CD4: variants seen among roughly 807,000 people sequenced by gnomAD.
The protein encoded by CD4 is CD4 molecule, also known as T-cell surface glycoprotein CD4.
CD4 carries 25 observed loss-of-function variants against 50.5 expected under a neutral mutation model. The ratio of observed to expected loss-of-function variants is 0.49; its 90% CI spans 0.36 to 0.69. The LOEUF is 0.69. Ranked by LOEUF, CD4 falls within the 30% of genes least tolerant of loss-of-function variation. CD4 has a pLI of 0.00. For synonymous variants in CD4, 207 were observed against 221.9 expected, an observed-to-expected ratio of 0.93 and a Z score of 0.60; for missense variants, 456 against 548.5, an observed-to-expected ratio of 0.83 and a Z score of 1.68.
intron 3 of CD4, among the ~76,000 whole-genome samples, chr12:6,806,301 TTTTA>T (rs542997326): frequency 6.4e-4 from 98 of 151,984 alleles, no homozygotes; most frequent in African/African-American, 2.0e-3. Context: ...TAAAATTTAT[TTTTA>T]TTTATTTATT....
Position 6,818,968 on chromosome 12 carries a change from T to TGG in CD4, c.1346+54_1346+55insGG. The TGG allele has an allele frequency of 2.0e-6, 1 of 497,298 alleles. No homozygotes were observed. Among genetic ancestry groups the TGG allele is most frequent in the Non-Finnish European group, 3.4e-6 (1 of 296,600 alleles). 30.8% of individuals were successfully genotyped at this position (497,298 alleles called of 1,614,324 possible). A position where few individuals can be genotyped will look rare whatever the true frequency, so the allele number is the denominator to read the frequency against. On this transcript the variant is annotated intron_variant, in intron 9 of 9. Coordinates refer to ENST00000011653, the MANE Select transcript of CD4 (RefSeq NM_000616.5). This position sits in a 1 kb window ranked among gnomAD's most constrained non-coding sequence, Gnocchi z 5.0. Reference sequence around the variant, plus strand: ...AGGGGAAAGGGGGAGGGGGAGGGAGTTAGAGAGGAGGGGGAGGAAGGGGAG... The same window carrying TGG: ...AGGGGAAAGGGGGAGGGGGAGGGAGTGGTAGAGAGGAGGGGGAGGAAGGGGAG...
chr12:6,801,240 G>A (rs1353569543), intron 3 of CD4, among the ~76,000 whole-genome samples: 27 of 151,372 alleles, frequency 1.8e-4, no homozygotes, highest in Admixed American at 8.5e-4. Context: ...AAAAAAGGCC[G>A]GCTGTAGTGG....
intron 1 of CD4, among the ~76,000 whole-genome samples, chr12:6,791,268 A>G (rs147949101): frequency 3.5e-4 from 54 of 152,310 alleles, no homozygotes; most frequent in African/African-American, 1.0e-3. Flanking sequence ...TTTGAGACGG[A>G]GTCTCGCTCT....
chr12:6,801,615 C>T (rs182775334), intron 3 of CD4, among the ~76,000 whole-genome samples: 2,093 of 151,254 alleles, frequency 0.014, 41 homozygotes, highest in African/African-American at 0.046. Context: ...GGCTGGAGTG[C>T]GGTGGCGTGA....
At chr12:6,794,666 C>G (rs1942309142) in intron 1 of CD4, among the ~76,000 whole-genome samples, 1 of 151,994 alleles carries the variant, frequency 6.6e-6, no homozygotes, top group Admixed American at 6.6e-5. Context: ...GCCACTGCAT[C>G]CGGCCTTATA....
At chr12:6,817,090 A>G (rs1293682826) in intron 6 of CD4, 40 bp from the exon 7 acceptor site, 1 of 1,547,208 alleles carries the variant, frequency 6.5e-7, no homozygotes, top group East Asian at 2.3e-5. Context: ...TGTTCTACTG[A>G]ATCTCAGGCC....
At chr12:6,796,663 C>T (rs979710832) in intron 1 of CD4, among the ~76,000 whole-genome samples, 1 of 152,176 alleles carries the variant, frequency 6.6e-6, no homozygotes, top group Non-Finnish European at 1.5e-5. Context: ...AGCAGTGGGT[C>T]CCCTCACCTC....
At chr12:6,809,602 C>T (rs1228114826) in intron 3 of CD4, among the ~76,000 whole-genome samples, 1 of 152,170 alleles carries the variant, frequency 6.6e-6, no homozygotes, top group Non-Finnish European at 1.5e-5. Context: ...AGTGAGCTTC[C>T]AGGTAATTTG....
chr12:6,807,133 C>G (rs1036128137), intron 3 of CD4, among the ~76,000 whole-genome samples: 2 of 151,998 alleles, frequency 1.3e-5, no homozygotes, highest in African/African-American at 4.8e-5. Flanking sequence ...CGCCATTGCA[C>G]TCCAACCTGG....
rs782402059 is a variant in CD4 at position 6,814,122 on chromosome 12, C to CA, written c.215-19dup. 17 of 1,611,468 alleles carry CA rather than the reference C, an allele frequency of 1.1e-5. No individual in the cohort carries two copies. The highest frequency in any genetic ancestry group is 3.3e-5 in the Admixed American group (2 of 59,760). ...TCTCCAGGGCGCCTCAGTCCCCCCC[C>CA]ATATGTCTTCTGCTCCCAGGTCCAT... On this transcript the variant is annotated intron_variant, in intron 3 of 9. Coordinates refer to ENST00000011653, the MANE Select transcript of CD4 (RefSeq NM_000616.5).
rs1223411391 is a variant in CD4, at chr12:6,818,651, G to GT, written c.1278+110dup. ...TTGGCCCAGCTCCCTCTGCCCACTC[G>GT]TAAGTTCCCTTGCTGCCCTGTCCCA... On this transcript the variant is annotated intron_variant, in intron 8 of 9. Coordinates refer to ENST00000011653, the MANE Select transcript of CD4 (RefSeq NM_000616.5). The surrounding 1 kb of genome is among the most constrained non-coding windows in gnomAD (Gnocchi z 5.0). 7 of 1,401,838 alleles carry GT rather than the reference G, an allele frequency of 5.0e-6. No homozygotes were observed. The Admixed American group carries it at 1.2e-4, about 25-fold the overall frequency. The allele number at this position is 1,401,838 out of a possible 1,614,324, so 86.8% of individuals were successfully genotyped here.
intron 1 of CD4, among the ~76,000 whole-genome samples, chr12:6,797,466 A>G (rs1942405999): frequency 6.6e-6 from 1 of 152,176 alleles, no homozygotes; most frequent in Non-Finnish European, 1.5e-5. Flanking sequence ...AGAGACTGAG[A>G]AAAGAAATAA....
intron 3 of CD4, among the ~76,000 whole-genome samples, chr12:6,812,244 C>T (rs782753324): frequency 6.6e-6 from 1 of 152,056 alleles, no homozygotes; most frequent in African/African-American, 2.4e-5. Context: ...ACTAAAAATA[C>T]AAAAATTAGC....
At position 6,816,014 on chromosome 12, in the gene CD4, T is replaced by C; in HGVS notation, c.608-42T>C. On this transcript the variant is annotated intron_variant, in intron 5 of 9. Transcript: ENST00000011653. The surrounding 1 kb of genome is among the most constrained non-coding windows in gnomAD (Gnocchi z 4.9). ...CCAACCCCACTCGTGCACCCTCATC[T>C]TCCTATCTCCTCACCCAGGGTCTCT... 13 of 1,612,494 alleles carry C rather than the reference T, an allele frequency of 8.1e-6. No individual in the cohort carries two copies. The highest frequency in any genetic ancestry group is 1.1e-5 in the Non-Finnish European group (13 of 1,179,468).
At chr12:6,805,563 G>GAAAA (rs59122472) in intron 3 of CD4, among the ~76,000 whole-genome samples, 15,159 of 139,396 alleles carry the variant, frequency 0.11, 1,723 homozygotes, top group African/African-American at 0.25. Flanking sequence ...TCTGTCTCCC[G>GAAAA]AAAAAAAAAA....
At chr12:6,814,527 G>T in intron 4 of CD4, 1 of 642,944 alleles carries the variant, frequency 1.6e-6, no homozygotes, top group Non-Finnish European at 2.7e-6. Context: ...AAGGGAAGGA[G>T]GCAAGGGAAG....
Position 6,819,543 on chromosome 12 carries a change from G to A in CD4, c.*214G>A, listed in dbSNP as rs1943215628. The A allele has an allele frequency of 3.4e-6, 2 of 592,890 alleles. No homozygotes were observed. Among genetic ancestry groups the A allele is most frequent in the Non-Finnish European group, 6.0e-6 (2 of 332,130 alleles). The allele number at this position is 592,890 out of a possible 1,614,324, so 36.7% of individuals were successfully genotyped here. A position where few individuals can be genotyped will look rare whatever the true frequency, so the allele number is the denominator to read the frequency against. ...GAGGCTTAATCACACCGTCCTCCAC[G>A]CCATTTCCTTTTCCTTCAAGCCTAG... On this transcript the variant is annotated 3_prime_UTR_variant, in exon 10 of 10. Transcript: ENST00000011653.
At position 6,813,851 on chromosome 12, in the gene CD4, C is replaced by T. The variant is rs186497788; in HGVS notation, c.215-291C>T. On this transcript the variant is annotated intron_variant, in intron 3 of 9. Transcript: ENST00000011653. ...AACAGTGTTGACAGTATCTATTTCTCGGAATTATTGTGGAGATTACTGAGA... is the reference window on the plus strand; with the variant it reads ...AACAGTGTTGACAGTATCTATTTCTTGGAATTATTGTGGAGATTACTGAGA... Among the ~76,000 whole-genome samples the T allele has an allele frequency of 1.3e-3, 203 of 152,184 alleles. 1 individual carries two copies. The highest frequency in any genetic ancestry group is 5.6e-4 in the Non-Finnish European group (38 of 68,000).
rs1943181205 is a variant in CD4 at position 6,818,733 on chromosome 12, C to G, written c.1279-114C>G. 5.0e-6 allele frequency: 6 copies of G among 1,200,394 alleles called. No homozygotes were observed. The highest frequency in any genetic ancestry group is 6.2e-6 in the Non-Finnish European group (5 of 809,030). The allele number at this position is 1,200,394 out of a possible 1,614,324, so 74.4% of individuals were successfully genotyped here. A position where few individuals can be genotyped will look rare whatever the true frequency, so the allele number is the denominator to read the frequency against. On this transcript the variant is annotated intron_variant, in intron 8 of 9. Transcript: ENST00000011653. This position sits in a 1 kb window ranked among gnomAD's most constrained non-coding sequence, Gnocchi z 5.0. ...AGAGAGTTAATTCCAGGATAGATGG[C>G]CTGGGCCATGTAACTGCTTCTCCTG...
Sources: gnomAD v4.1 joint callset for allele counts (sites outside exome capture counted in the v4.1 genomes callset) on GRCh38, gnomAD v4.1.1 for gene constraint, Gnocchi (gnomAD v3.1) non-coding constraint, MANE v1.5 for transcripts, NCBI Gene and HGNC (gene_info 2026-07-23, HGNC 2026-07-21) for gene names.